ATP8A1: variants seen among roughly 807,000 people sequenced by gnomAD.
The protein encoded by ATP8A1 is phospholipid-transporting ATPase IA.
Under a neutral mutation model 177.7 loss-of-function variants are expected in ATP8A1, and 90 were observed. The ratio of observed to expected loss-of-function variants is 0.51; its 90% confidence interval spans 0.43 to 0.60. The LOEUF is 0.60. ATP8A1 is among the 20% of genes least tolerant of loss of function. The pLI, the probability that ATP8A1 is intolerant of heterozygous loss-of-function variation, is 0.00. For synonymous variants in ATP8A1, 493 were observed against 485.9 expected, an observed-to-expected ratio of 1.01 and a Z score of -0.19; for missense variants, 1,072 against 1,392.8, an observed-to-expected ratio of 0.77 and a Z score of 3.67.
At chr4:42,436,323 T>A (rs549973635) in intron 33 of ATP8A1, among the ~76,000 whole-genome samples, 1 of 152,324 alleles carries the variant, frequency 6.6e-6, no homozygotes, top group East Asian at 1.9e-4. Context: ...AGACGCTCGA[T>A]CTACACTTGC....
At chr4:42,554,507 A>G (rs1395479685) in intron 16 of ATP8A1, among the ~76,000 whole-genome samples, 1 of 152,176 alleles carries the variant, frequency 6.6e-6, no homozygotes, top group African/African-American at 2.4e-5. Flanking sequence ...TCGCGCAGAA[A>G]AGAGAGATAC....
chr4:42,500,020 T>C (rs1197518347), intron 24 of ATP8A1, among the ~76,000 whole-genome samples: 1 of 152,200 alleles, frequency 6.6e-6, no homozygotes, highest in East Asian at 1.9e-4. Context: ...AGAAGTAAAA[T>C]ATTCCCCTTT....
chr4:42,539,626 A>G (rs1728188967), intron 20 of ATP8A1, among the ~76,000 whole-genome samples: 3 of 152,102 alleles, frequency 2.0e-5, no homozygotes, highest in Non-Finnish European at 4.4e-5. Context: ...GGGAACCCAG[A>G]AATAAAGTCA....
At chr4:42,629,761 G>A (rs1048812545) in intron 1 of ATP8A1, among the ~76,000 whole-genome samples, 2 of 152,242 alleles carry the variant, frequency 1.3e-5, no homozygotes, top group African/African-American at 2.4e-5. Context: ...ATATTCTGAT[G>A]AAGGTACCTG....
Position 42,524,773 on chromosome 4 carries a change from A to C in ATP8A1, c.1797T>G (p.Phe599Leu). 2 of 1,604,672 alleles carry C rather than the reference A, an allele frequency of 1.2e-6. No homozygotes were observed. Among genetic ancestry groups the C allele is most frequent in the Non-Finnish European group, 1.7e-6 (2 of 1,174,740 alleles). Residue 599 changes from phenylalanine to leucine, a missense_variant, in exon 21 of 37, where the codon TTT (phenylalanine) becomes TTG (leucine). Transcript: ENST00000381668. ...CCAAATTACACTTACCTTCTGTAGC[A>C]AACTGCTCTAAATGTTTTAGGGTAA... ...KEITLKHLEQ[F>L]ATEGLRTLCF...
At chr4:42,437,302 A>G (rs1716104576) in intron 33 of ATP8A1, among the ~76,000 whole-genome samples, 1 of 152,226 alleles carries the variant, frequency 6.6e-6, no homozygotes, top group African/African-American at 2.4e-5. Flanking sequence ...AAATTCAAAA[A>G]ATACTCAGTA....
chr4:42,569,083 G>C (rs752261972), intron 15 of ATP8A1, 78 bp downstream of exon 15: 6 of 824,530 alleles, frequency 7.3e-6, no homozygotes, highest in African/African-American at 1.8e-5. Context: ...ATAAAAGAGA[G>C]TGAAATGTGT....
At chr4:42,590,247 T>A (rs1734027798) in intron 7 of ATP8A1, among the ~76,000 whole-genome samples, 1 of 152,122 alleles carries the variant, frequency 6.6e-6, no homozygotes, top group Non-Finnish European at 1.5e-5. Flanking sequence ...ACAAGTGGGA[T>A]AAAAGTCGAT....
chr4:42,539,930 A>C (rs1728218554), intron 20 of ATP8A1, among the ~76,000 whole-genome samples: 1 of 152,158 alleles, frequency 6.6e-6, no homozygotes, highest in Non-Finnish European at 1.5e-5. Context: ...ACAGGCAACA[A>C]AAACAAAAAT....
At chr4:42,531,833 C>T (rs1455219553) in intron 20 of ATP8A1, among the ~76,000 whole-genome samples, 2 of 151,880 alleles carry the variant, frequency 1.3e-5, no homozygotes, top group Admixed American at 1.3e-4. Flanking sequence ...ACATAAAATA[C>T]CAGGGCCAGG....
intron 27 of ATP8A1, among the ~76,000 whole-genome samples, chr4:42,462,310 G>A (rs1719257027): frequency 6.6e-6 from 1 of 152,198 alleles, no homozygotes; most frequent in Non-Finnish European, 1.5e-5. Context: ...GGCCTACAAG[G>A]AAAAAGTGGT....
chr4:42,435,450 C>CAAAA (rs11306070), intron 33 of ATP8A1, among the ~76,000 whole-genome samples: 1 of 117,010 alleles, frequency 8.5e-6, no homozygotes, highest in African/African-American at 3.3e-5. Flanking sequence ...AAAAAAAAAA[C>CAAAA]AAAAAAAAAA....
intron 25 of ATP8A1, among the ~76,000 whole-genome samples, chr4:42,468,188 A>T (rs1719995272): frequency 1.3e-5 from 2 of 152,168 alleles, no homozygotes; most frequent in Admixed American, 1.3e-4. Flanking sequence ...AAAGAACTAA[A>T]AGTAGAACTA....
At position 42,634,742 on chromosome 4, in the gene ATP8A1, A is replaced by C. The variant is rs530174462; in HGVS notation, c.50-7633T>G. On this transcript the variant is annotated intron_variant, in intron 1 of 36. Transcript: ENST00000381668. ...CCTGGCTCCTCATGCATATGCAAAA[A>C]TTCTAGCTATTATTTTTATTATGAA... 2.0e-5 allele frequency among the ~76,000 whole-genome samples: 3 copies of C among 152,328 alleles called. No homozygotes were observed. The South Asian group carries it at 6.2e-4, about 32-fold the overall frequency.
intron 24 of ATP8A1, among the ~76,000 whole-genome samples, chr4:42,488,851 TTTC>T (rs1281025661): frequency 6.6e-6 from 1 of 152,040 alleles, no homozygotes; most frequent in Admixed American, 6.6e-5. Context: ...AAACCCTGAG[TTTC>T]TTGACAGGAA....
intron 33 of ATP8A1, 49 bp from the exon 34 acceptor site, chr4:42,423,754 G>T (rs2153168174): frequency 8.1e-6 from 10 of 1,237,548 alleles, no homozygotes; most frequent in Non-Finnish European, 1.2e-5. Flanking sequence ...AAAAATACAT[G>T]ATTTGTGTTT....
chr4:42,560,388 A>G (rs1470456778), intron 15 of ATP8A1, among the ~76,000 whole-genome samples: 2 of 152,090 alleles, frequency 1.3e-5, no homozygotes, highest in East Asian at 3.9e-4. Context: ...AAAAAATCAA[A>G]TTTAAAACAA....
intron 6 of ATP8A1, among the ~76,000 whole-genome samples, chr4:42,594,714 A>C (rs576330397): frequency 6.6e-6 from 1 of 152,240 alleles, no homozygotes; most frequent in Admixed American, 6.5e-5. Context: ...ATGCAACTGG[A>C]GACGCTATCA....
At chr4:42,651,547 C>T (rs1216821298) in intron 1 of ATP8A1, among the ~76,000 whole-genome samples, 3 of 152,166 alleles carry the variant, frequency 2.0e-5, no homozygotes, top group South Asian at 2.1e-4. Context: ...CACCCTTTTC[C>T]GTTTGTAACA....
Sources: gnomAD v4.1 joint callset for allele counts (sites outside exome capture counted in the v4.1 genomes callset) on GRCh38, gnomAD v4.1.1 for gene constraint, MANE v1.5 for transcripts, NCBI Gene and HGNC (gene_info 2026-07-23, HGNC 2026-07-21) for gene names.